Variants in ADARB1 observed in about 807,000 individuals in gnomAD.
ADARB1 encodes the protein adenosine deaminase RNA specific B1.
ADARB1 carries 10 observed loss-of-function variants against 52.4 expected under a neutral mutation model. That is an observed-to-expected ratio of 0.19 (90% CI 0.12 to 0.32). ADARB1 has a LOEUF of 0.32. ADARB1 is among the 10% of genes least tolerant of loss of function. The probability of loss-of-function intolerance (pLI) is 1.00; values close to 1 mark genes in which losing one functional copy is unlikely to be tolerated. For missense variants in ADARB1, 643 were observed against 922.3 expected (o/e 0.70, Z 3.92); for synonymous variants, 349 against 371.1 (o/e 0.94, Z 0.68).
chr21:45,114,623 C>T (rs529150084), intron 1 of ADARB1, among the ~76,000 whole-genome samples: 2 of 152,338 alleles, frequency 1.3e-5, no homozygotes, highest in Admixed American at 1.3e-4. Context: ...CCCATTGGCT[C>T]AGTAATTTGG....
chr21:45,225,215 C>T lies in ADARB1; in HGVS notation c.*3018C>T. On this transcript the variant is annotated 3_prime_UTR_variant, in exon 11 of 11. Transcript: ENST00000348831. ...CTCAGGTGGGGCGGTGTGTTCTGTGCCATGAGGCAGCGACAGGTCCAGATG... is the reference window on the plus strand; with the variant it reads ...CTCAGGTGGGGCGGTGTGTTCTGTGTCATGAGGCAGCGACAGGTCCAGATG... 2 of 1,076,676 alleles carry T rather than the reference C, an allele frequency of 1.9e-6. No individual in the cohort carries two copies. The highest frequency in any genetic ancestry group is 1.6e-5 in the African/African-American group (1 of 60,740). 66.7% of individuals were successfully genotyped at this position (1,076,676 alleles called of 1,614,324 possible). A position where few individuals can be genotyped will look rare whatever the true frequency, so the allele number is the denominator to read the frequency against.
At chr21:45,178,585 A>G (rs1188676822) in intron 4 of ADARB1, among the ~76,000 whole-genome samples, 1 of 152,086 alleles carries the variant, frequency 6.6e-6, no homozygotes, top group East Asian at 1.9e-4. Context: ...GGTGGGCTCT[A>G]TTGTCCTTCA....
chr21:45,109,853 G>A (rs960063422), intron 1 of ADARB1, among the ~76,000 whole-genome samples: 4 of 152,160 alleles, frequency 2.6e-5, no homozygotes, highest in African/African-American at 9.7e-5. Flanking sequence ...AAAACTTTCT[G>A]TGTGCGGTTG....
chr21:45,074,974 C>A (rs1220530912), intron 1 of ADARB1, among the ~76,000 whole-genome samples, 181 bp downstream of exon 1: 1 of 151,072 alleles, frequency 6.6e-6, no homozygotes, highest in African/African-American at 2.4e-5. Flanking sequence ...CACCCACCCT[C>A]CTGGGTCGCC....
chr21:45,092,450 T>A (rs1055292199), intron 1 of ADARB1, among the ~76,000 whole-genome samples: 1 of 152,260 alleles, frequency 6.6e-6, no homozygotes, highest in Non-Finnish European at 1.5e-5. Context: ...CTATTTTTTT[T>A]ATATAGTTAT....
chr21:45,152,121 G>A (rs2090323165), intron 2 of ADARB1, among the ~76,000 whole-genome samples: 1 of 152,228 alleles, frequency 6.6e-6, no homozygotes, highest in Admixed American at 6.5e-5. Context: ...TTTATATGGA[G>A]CTGTTTTCAT....
At chr21:45,139,597 C>T (rs1186088903) in intron 2 of ADARB1, among the ~76,000 whole-genome samples, 1 of 152,218 alleles carries the variant, frequency 6.6e-6, no homozygotes, top group Non-Finnish European at 1.5e-5. Context: ...CCTCCTCTGT[C>T]ACGTGGGGCA....
intron 1 of ADARB1, among the ~76,000 whole-genome samples, chr21:45,107,562 G>A (rs763695992): frequency 1.3e-5 from 2 of 152,188 alleles, no homozygotes; most frequent in African/African-American, 2.4e-5. Flanking sequence ...TCTAGTATAT[G>A]ATAAAGATAG....
intron 1 of ADARB1, among the ~76,000 whole-genome samples, chr21:45,101,348 AGC>A (rs2087006317): frequency 6.6e-6 from 1 of 152,218 alleles, no homozygotes; most frequent in South Asian, 2.1e-4. Context: ...AGCGGGCTTT[AGC>A]AGGTGCTGAA....
Position 45,225,657 on chromosome 21 carries a change from C to T in ADARB1, c.*3460C>T. 1.9e-6 allele frequency: 2 copies of T among 1,065,888 alleles called. No homozygotes were observed. Among genetic ancestry groups the T allele is most frequent in the Non-Finnish European group, 2.5e-6 (2 of 798,186 alleles). 66.0% of individuals were successfully genotyped at this position (1,065,888 alleles called of 1,614,324 possible). ...GGACCTGCCCATGTCTCAAAACAAA[C>T]ACATGTACAGTGGCTCTTTTTCCTT... On this transcript the variant is annotated 3_prime_UTR_variant, in exon 11 of 11. Transcript: ENST00000348831.
intron 2 of ADARB1, among the ~76,000 whole-genome samples, chr21:45,156,086 A>G (rs62651391): frequency 0.99 from 140,588 of 142,264 alleles, 69,457 homozygotes; most frequent in Non-Finnish European, 0.99. Flanking sequence ...CCATCCATCT[A>G]CCCACCCACC....
intron 8 of ADARB1, among the ~76,000 whole-genome samples, chr21:45,195,883 C>T (rs1166284989): frequency 6.6e-6 from 1 of 152,120 alleles, no homozygotes; most frequent in East Asian, 1.9e-4. Flanking sequence ...ACTGTGTTTG[C>T]TCTTCTGGAT....
At chr21:45,183,172 T>A (rs193088643) in intron 6 of ADARB1, among the ~76,000 whole-genome samples, 190 bp from the exon 7 acceptor site, 2 of 152,346 alleles carry the variant, frequency 1.3e-5, no homozygotes, top group South Asian at 2.1e-4. Flanking sequence ...AAGGAAAGGT[T>A]ACTCACATCC....
At chr21:45,094,153 G>T (rs1268039160) in intron 1 of ADARB1, among the ~76,000 whole-genome samples, 1 of 152,142 alleles carries the variant, frequency 6.6e-6, no homozygotes, top group Non-Finnish European at 1.5e-5. Flanking sequence ...TTGAGAAATA[G>T]AATATATCAA....
intron 9 of ADARB1, among the ~76,000 whole-genome samples, chr21:45,207,565 T>A (rs1374836579): frequency 6.6e-6 from 1 of 152,118 alleles, no homozygotes; most frequent in Non-Finnish European, 1.5e-5. Flanking sequence ...TAAAAATGGG[T>A]CCCAAAGCAA....
chr21:45,075,615 G>A lies in ADARB1; in HGVS notation c.-220+822G>A, dbSNP rs144568678. Among the ~76,000 whole-genome samples, 1,227 of 152,342 alleles carry A rather than the reference G, an allele frequency of 8.1e-3. 9 individuals carry two copies. Among genetic ancestry groups the A allele is most frequent in the Non-Finnish European group, 0.011 (746 of 68,038 alleles). Reference sequence around the variant, plus strand: ...GACTTTTGACGTGTTCACATCAGAAGGAAAATTATTGCGTGGTGGATGGGT... The same window carrying A: ...GACTTTTGACGTGTTCACATCAGAAAGAAAATTATTGCGTGGTGGATGGGT... On this transcript the variant is annotated intron_variant, in intron 1 of 10. Transcript: ENST00000348831.
chr21:45,075,892 A>T (rs1255444828), intron 1 of ADARB1, among the ~76,000 whole-genome samples: 1 of 152,228 alleles, frequency 6.6e-6, no homozygotes, highest in Non-Finnish European at 1.5e-5. Context: ...AAGTGGCATG[A>T]TATCAAACTT....
intron 1 of ADARB1, among the ~76,000 whole-genome samples, chr21:45,083,217 A>G (rs1031600564): frequency 6.6e-6 from 1 of 152,120 alleles, no homozygotes; most frequent in Non-Finnish European, 1.5e-5. Context: ...AATAACTTTA[A>G]CTTACTTTTT....
intron 2 of ADARB1, among the ~76,000 whole-genome samples, chr21:45,138,128 A>T (rs1262804953): frequency 6.6e-6 from 1 of 152,254 alleles, no homozygotes; most frequent in Non-Finnish European, 1.5e-5. Context: ...ATTGGCTATA[A>T]GTGACAGAGA....
Sources: gnomAD v4.1 joint callset for allele counts (sites outside exome capture counted in the v4.1 genomes callset) on GRCh38, gnomAD v4.1.1 for gene constraint, MANE v1.5 for transcripts, NCBI Gene and HGNC (gene_info 2026-07-23, HGNC 2026-07-21) for gene names.